The following ENTPD1 variants were observed in gnomAD, a reference collection of about 807,000 sequenced individuals.
ENTPD1 encodes ATP diphosphohydrolase.
In ENTPD1, 33 loss-of-function variants were observed where a neutral mutation model predicts 57.0. The ratio of observed to expected loss-of-function variants is 0.58; its 90% CI spans 0.44 to 0.77. ENTPD1 has a LOEUF of 0.77. ENTPD1 is among the 30% of genes least tolerant of loss of function. The probability of loss-of-function intolerance (pLI) is 0.00; values close to 1 mark genes in which losing one functional copy is unlikely to be tolerated. For synonymous variants in ENTPD1, 202 were observed against 218.8 expected (o/e 0.92, Z 0.68); for missense variants, 501 against 603.4 (o/e 0.83, Z 1.78).
In ENTPD1 at chr10:95,847,565, C is replaced by T; in HGVS notation, c.933C>T (p.Phe311=). The T allele has an allele frequency of 1.2e-6, 2 of 1,614,172 alleles. No individual in the cohort carries two copies. The highest frequency in any genetic ancestry group is 1.7e-6 in the Non-Finnish European group (2 of 1,180,032). Residue 311 remains phenylalanine, a synonymous_variant, in exon 7 of 10, where the codon TTC becomes TTT. Coordinates refer to ENST00000371205, the MANE Select transcript of ENTPD1 (RefSeq NM_001776.6). ...AGAGATTTGAGATGACTCTTCCATT[C>T]CAGCAGTTTGAAATCCAGGGTATTG... The part of the protein sequence containing the change: ...CTKRFEMTLP[F]QQFEIQGIGN...
intron 9 of ENTPD1, among the ~76,000 whole-genome samples, chr10:95,865,239 T>C (rs1405150988): frequency 1.3e-5 from 2 of 152,366 alleles, no homozygotes; most frequent in African/African-American, 4.8e-5. Context: ...AGTATGATCA[T>C]GGTTTCATCA....
Position 95,871,124 on chromosome 10 carries a change from A to G in ENTPD1, c.*4741A>G. On this transcript the variant is annotated 3_prime_UTR_variant, in exon 10 of 10. Coordinates refer to ENST00000371205, the MANE Select transcript of ENTPD1 (RefSeq NM_001776.6). ...GTAAGTCATATGAGCAAGCTCAATA[A>G]AATATAAACAAGTCAGATAAACAGT... The G allele has an allele frequency of 8.1e-6, 8 of 985,484 alleles. No homozygotes were observed. The highest frequency in any genetic ancestry group is 9.6e-6 in the Non-Finnish European group (8 of 829,932). The allele number at this position is 985,484 out of a possible 1,614,324, so 61.0% of individuals were successfully genotyped here.
At chr10:95,854,331 T>C (rs2098450652) in intron 7 of ENTPD1, among the ~76,000 whole-genome samples, 1 of 152,210 alleles carries the variant, frequency 6.6e-6, no homozygotes, top group Non-Finnish European at 1.5e-5. Flanking sequence ...GTTTTCTTCT[T>C]TATTAGTCTT....
At chr10:95,763,051 T>C (rs1435622570) in intron 1 of ENTPD1, among the ~76,000 whole-genome samples, 1 of 152,118 alleles carries the variant, frequency 6.6e-6, no homozygotes, top group Non-Finnish European at 1.5e-5. Context: ...ATTCAAGTTT[T>C]CCTGCCATAC....
intron 1 of ENTPD1, among the ~76,000 whole-genome samples, chr10:95,746,336 A>G (rs915858292): frequency 7.9e-5 from 12 of 152,184 alleles, no homozygotes; most frequent in African/African-American, 2.7e-4. Flanking sequence ...AGATTAAAAA[A>G]AAGACCTTTA....
chr10:95,838,776 A>G (rs1266488716), intron 2 of ENTPD1, among the ~76,000 whole-genome samples: 1 of 152,128 alleles, frequency 6.6e-6, no homozygotes, highest in Non-Finnish European at 1.5e-5. Flanking sequence ...TACTGTAGCT[A>G]CCCCTCATTT....
At chr10:95,823,121 C>T (rs2098359596) in intron 1 of ENTPD1, 116 bp from the exon 2 acceptor site, 1 of 1,263,622 alleles carries the variant, frequency 7.9e-7, no homozygotes, top group Non-Finnish European at 1.1e-6. Context: ...AAAAGATTGG[C>T]TTTTAATCTG....
At chr10:95,787,521 A>G (rs1044771410) in intron 1 of ENTPD1, among the ~76,000 whole-genome samples, 1 of 152,194 alleles carries the variant, frequency 6.6e-6, no homozygotes, top group African/African-American at 2.4e-5. Flanking sequence ...GCTTTGGGTG[A>G]GAGAATACAA....
intron 1 of ENTPD1, among the ~76,000 whole-genome samples, chr10:95,758,674 C>G (rs2139963229): frequency 6.6e-6 from 1 of 152,260 alleles, no homozygotes; most frequent in South Asian, 2.1e-4. Flanking sequence ...TATTTTTAGT[C>G]TCTAAACTTG....
intron 7 of ENTPD1, 62 bp downstream of exon 7, chr10:95,847,768 A>T: frequency 6.2e-7 from 1 of 1,608,890 alleles, no homozygotes; most frequent in Non-Finnish European, 8.5e-7. Flanking sequence ...ATATGTGCCT[A>T]CAAAAGATTT....
the ENTPD1 span, among the ~76,000 whole-genome samples, chr10:95,703,945 G>A: frequency 6.6e-6 from 1 of 151,472 alleles, no homozygotes; most frequent in Non-Finnish European, 1.5e-5. Context: ...CAAAAAATTA[G>A]CCAGGCATGG....
At chr10:95,774,146 C>A (rs1262218416) in intron 1 of ENTPD1, among the ~76,000 whole-genome samples, 2 of 152,172 alleles carry the variant, frequency 1.3e-5, no homozygotes, top group Non-Finnish European at 2.9e-5. Context: ...TGAGAAGTGT[C>A]TGTTCATATC....
intron 1 of ENTPD1, among the ~76,000 whole-genome samples, chr10:95,789,139 A>G (rs921824997): frequency 2.0e-5 from 3 of 152,240 alleles, no homozygotes; most frequent in Non-Finnish European, 4.4e-5. Context: ...ATGGAGTTCA[A>G]TCAGTACAAA....
chr10:95,738,177 T>C (rs1192652050), intron 1 of ENTPD1, among the ~76,000 whole-genome samples: 3 of 152,218 alleles, frequency 2.0e-5, no homozygotes, highest in Non-Finnish European at 2.9e-5. Flanking sequence ...AGCAGGGATA[T>C]GGATACTGAG....
intron 1 of ENTPD1, among the ~76,000 whole-genome samples, chr10:95,822,727 A>G (rs377202684): frequency 6.6e-5 from 10 of 152,240 alleles, no homozygotes; most frequent in African/African-American, 2.2e-4. Context: ...CCTCTATGCC[A>G]TTACCAATTG....
chr10:95,711,299 G>A (rs1182335238), upstream of ENTPD1, among the ~76,000 whole-genome samples: 1 of 152,148 alleles, frequency 6.6e-6, no homozygotes, highest in Non-Finnish European at 1.5e-5. Flanking sequence ...TGCAGAGCGG[G>A]TCCTGTCCCA....
At chr10:95,778,164 C>T (rs1566136694) in intron 1 of ENTPD1, among the ~76,000 whole-genome samples, 1 of 152,190 alleles carries the variant, frequency 6.6e-6, no homozygotes, top group Non-Finnish European at 1.5e-5. Flanking sequence ...ACTGTCCAAC[C>T]AGTCCCAATG....
At chr10:95,852,310 A>G (rs1257095768) in intron 7 of ENTPD1, among the ~76,000 whole-genome samples, 3 of 152,032 alleles carry the variant, frequency 2.0e-5, no homozygotes, top group African/African-American at 7.2e-5. Context: ...GTTTGAGTTC[A>G]TTTTAGATTC....
chr10:95,728,868 A>G (rs2097986430), intron 1 of ENTPD1, among the ~76,000 whole-genome samples: 2 of 152,168 alleles, frequency 1.3e-5, no homozygotes, highest in Non-Finnish European at 2.9e-5. Context: ...CTCAACTGCA[A>G]ATGGCACTAT....
Sources: allele counts gnomAD v4.1 joint callset (sites outside exome capture counted in the v4.1 genomes callset), GRCh38; gene constraint gnomAD v4.1.1; transcripts MANE v1.5; gene names NCBI Gene and HGNC (gene_info 2026-07-23, HGNC 2026-07-21).